GABRG1: variants seen among roughly 807,000 people sequenced by gnomAD.
GABRG1 encodes gamma-aminobutyric acid receptor subunit gamma-1.
Under a neutral mutation model 49.8 loss-of-function variants are expected in GABRG1, and 49 were observed. The ratio of observed to expected loss-of-function variants is 0.98; its 90% CI spans 0.78 to 1.25. The LOEUF (loss-of-function observed/expected upper bound fraction) is 1.25, where lower values mean the gene tolerates loss of function less well. Among genes scored for constraint, GABRG1 ranks in the 50% most tolerant of loss-of-function variants. The pLI is 0.00. For missense variants in GABRG1, 552 were observed against 552.3 expected, an observed-to-expected ratio of 1.00 and a Z score of 0.01; for synonymous variants, 232 against 185.1, an observed-to-expected ratio of 1.25 and a Z score of -2.06.
chr4:46,061,486 G>C (rs1376536024), intron 5 of GABRG1, among the ~76,000 whole-genome samples: 1 of 152,048 alleles, frequency 6.6e-6, no homozygotes, highest in Non-Finnish European at 1.5e-5. Context: ...AATAGCATTA[G>C]ACAATTTGTG....
intron 1 of GABRG1, among the ~76,000 whole-genome samples, chr4:46,120,917 C>A (rs1459246823): frequency 6.6e-6 from 1 of 151,530 alleles, no homozygotes; most frequent in East Asian, 1.9e-4. Context: ...TTTTTAAAAA[C>A]CTGATTATAA....
At chr4:46,090,529 C>T (rs1448526748) in intron 2 of GABRG1, among the ~76,000 whole-genome samples, 1 of 151,574 alleles carries the variant, frequency 6.6e-6, no homozygotes, top group Non-Finnish European at 1.5e-5. Flanking sequence ...ATATAGTTCT[C>T]TATATATAGA....
intron 3 of GABRG1, among the ~76,000 whole-genome samples, chr4:46,068,387 T>G (rs566325027): frequency 6.6e-6 from 1 of 152,176 alleles, no homozygotes; most frequent in South Asian, 2.1e-4. Flanking sequence ...GAGAACCAAT[T>G]TGTCTAAGGC....
intron 1 of GABRG1, among the ~76,000 whole-genome samples, chr4:46,118,602 C>T (rs1314613838): frequency 6.6e-6 from 1 of 150,910 alleles, no homozygotes; most frequent in African/African-American, 2.4e-5. Flanking sequence ...ATGACTTTGT[C>T]TTATTTACCA....
At position 46,080,828 on chromosome 4, in the gene GABRG1, T is replaced by A. The variant is rs548863174; in HGVS notation, c.321+3158A>T. Reference sequence around the variant, plus strand: ...CCCATATGCTCAAACAGGCTTCTTTTCTCTAGGCATTGGTTACTTAGAAAC... The same window carrying A: ...CCCATATGCTCAAACAGGCTTCTTTACTCTAGGCATTGGTTACTTAGAAAC... On this transcript the variant is annotated intron_variant, in intron 3 of 8. Transcript: ENST00000295452. Among the ~76,000 whole-genome samples the A allele has an allele frequency of 6.4e-4, 97 of 151,972 alleles. 1 individual carries two copies. The highest frequency in any genetic ancestry group is 1.8e-3 in the Admixed American group (28 of 15,170).
chr4:46,099,913 C>A (rs1720318749), intron 1 of GABRG1, among the ~76,000 whole-genome samples: 1 of 151,610 alleles, frequency 6.6e-6, no homozygotes, highest in Non-Finnish European at 1.5e-5. Flanking sequence ...GGCTCTGATA[C>A]CCGCAGTATG....
At chr4:46,103,037 A>G (rs1395063130) in intron 1 of GABRG1, among the ~76,000 whole-genome samples, 1 of 151,616 alleles carries the variant, frequency 6.6e-6, no homozygotes, top group Non-Finnish European at 1.5e-5. Context: ...GCTTCTCATC[A>G]CAAAATGGCC....
At chr4:46,070,039 G>T (rs1468649474) in intron 3 of GABRG1, among the ~76,000 whole-genome samples, 1 of 151,848 alleles carries the variant, frequency 6.6e-6, no homozygotes, top group Admixed American at 6.6e-5. Flanking sequence ...AAGAATGCAA[G>T]CCATATATAA....
intron 3 of GABRG1, among the ~76,000 whole-genome samples, chr4:46,066,684 A>G (rs1444608798): frequency 6.6e-6 from 1 of 152,068 alleles, no homozygotes; most frequent in East Asian, 1.9e-4. Context: ...GAAATTCCAC[A>G]ATTAACAGAG....
rs1319334939 is a variant in GABRG1 at position 46,040,290 on chromosome 4, A to G, written c.*698T>C. 1 of 152,100 alleles carries G rather than the reference A, an allele frequency of 6.6e-6. No individual in the cohort carries two copies. The highest frequency in any genetic ancestry group is 2.4e-5 in the African/African-American group (1 of 41,460). The allele number at this position is 152,100 out of a possible 1,614,324, so 9.4% of individuals were successfully genotyped here. A position where few individuals can be genotyped will look rare whatever the true frequency, so the allele number is the denominator to read the frequency against. ...CCTGATTTTTTCATCTTGCATTCTT[A>G]AAAAATGACTGGTGGCTTCATTCCA... is the stretch of plus-strand genomic sequence containing the variant. On this transcript the variant is annotated 3_prime_UTR_variant, in exon 9 of 9. Transcript: ENST00000295452.
chr4:46,092,933 G>A (rs1318105231), intron 2 of GABRG1, among the ~76,000 whole-genome samples: 1 of 151,726 alleles, frequency 6.6e-6, no homozygotes, highest in Non-Finnish European at 1.5e-5. Context: ...GCCGGACATG[G>A]TGGCGCATGC....
At chr4:46,120,749 G>A (rs944379545) in intron 1 of GABRG1, among the ~76,000 whole-genome samples, 31 of 151,382 alleles carry the variant, frequency 2.0e-4, no homozygotes, top group African/African-American at 5.8e-4. Context: ...ATTTTCAACC[G>A]GGCAACTGAA....
chr4:46,065,666 T>A, intron 3 of GABRG1, 82 bp from the exon 4 acceptor site: 1 of 693,542 alleles, frequency 1.4e-6, no homozygotes, highest in East Asian at 2.7e-5. Flanking sequence ...TTTTGTATTG[T>A]AAAGTTTCTG....
rs565476042 is a variant in GABRG1 at position 46,094,394 on chromosome 4, G to GCT, written c.253+2805_253+2806dup. ...TGGTGGGCACAGCAGCCTGAAATAG[G>GCT]CTCTGTAGAAGACAGAAGGGAGTCA... is the stretch of plus-strand genomic sequence containing the variant. On this transcript the variant is annotated intron_variant, in intron 2 of 8. Transcript: ENST00000295452. Among the ~76,000 whole-genome samples the GCT allele has an allele frequency of 2.8e-3, 432 of 152,030 alleles. 5 individuals carry two copies. Among genetic ancestry groups the GCT allele is most frequent in the African/African-American group, 9.8e-3 (407 of 41,538 alleles).
intron 3 of GABRG1, among the ~76,000 whole-genome samples, chr4:46,070,671 G>C (rs892682078): frequency 5.9e-5 from 9 of 152,062 alleles, no homozygotes; most frequent in African/African-American, 2.2e-4. Flanking sequence ...AGGGAAAAGA[G>C]AGTTGAATCA....
At position 46,040,780 on chromosome 4, in the gene GABRG1, T is replaced by C; in HGVS notation, c.*208A>G. The C allele has an allele frequency of 2.4e-6, 1 of 420,432 alleles. No homozygotes were observed. Among genetic ancestry groups the C allele is most frequent in the African/African-American group, 2.0e-5 (1 of 48,996 alleles). 26.0% of individuals were successfully genotyped at this position (420,432 alleles called of 1,614,324 possible). On this transcript the variant is annotated 3_prime_UTR_variant, in exon 9 of 9. Transcript: ENST00000295452. ...AAAATATGTGAGTATTTTAACCTACTGGATTTTGCAACTAATCAGTTTCAC... is the reference window on the plus strand; with the variant it reads ...AAAATATGTGAGTATTTTAACCTACCGGATTTTGCAACTAATCAGTTTCAC...
At chr4:46,084,695 A>C (rs547654449) in intron 2 of GABRG1, among the ~76,000 whole-genome samples, 1 of 151,806 alleles carries the variant, frequency 6.6e-6, no homozygotes, top group South Asian at 2.1e-4. Flanking sequence ...TTGCATACGT[A>C]TTTAATAACA....
chr4:46,063,520 T>A (rs1718792438), intron 5 of GABRG1, among the ~76,000 whole-genome samples: 1 of 152,100 alleles, frequency 6.6e-6, no homozygotes, highest in Non-Finnish European at 1.5e-5. Flanking sequence ...TCCTTATACC[T>A]TATACAAAAA....
At chr4:46,041,314 T>A in intron 8 of GABRG1, 60 bp from the exon 9 acceptor site, 1 of 1,549,678 alleles carries the variant, frequency 6.5e-7, no homozygotes, top group Non-Finnish European at 8.8e-7. Flanking sequence ...AAAGATCAAT[T>A]TGCTCCTTTA....
Sources: allele counts gnomAD v4.1 joint callset (sites outside exome capture counted in the v4.1 genomes callset), GRCh38; gene constraint gnomAD v4.1.1; transcripts MANE v1.5; gene names NCBI Gene and HGNC (gene_info 2026-07-23, HGNC 2026-07-21).